The following NDUFAF1 variants were observed in gnomAD, a reference collection of about 807,000 sequenced individuals.
The protein encoded by NDUFAF1 is complex I intermediate-associated protein 30, mitochondrial.
Under a neutral mutation model 28.7 loss-of-function variants are expected in NDUFAF1, and 18 were observed. The ratio of observed to expected loss-of-function variants is 0.63; its 90% CI spans 0.43 to 0.93. NDUFAF1 has a LOEUF of 0.93. NDUFAF1 is among the 40% of genes least tolerant of loss of function. The pLI, the probability that NDUFAF1 is intolerant of heterozygous loss-of-function variation, is 0.00. For missense variants in NDUFAF1, 404 were observed against 398.3 expected (o/e 1.01, Z -0.12); for synonymous variants, 113 against 139.7 (o/e 0.81, Z 1.35).
chr15:41,401,806 C>T (rs2050467137), intron 1 of NDUFAF1, among the ~76,000 whole-genome samples: 1 of 152,078 alleles, frequency 6.6e-6, no homozygotes, highest in South Asian at 2.1e-4. Context: ...GTTAAGGGAA[C>T]CAGGAAAAAT....
rs917680993 is a variant in NDUFAF1, at chr15:41,389,957, GA to G, written c.760-1436del. Reference sequence around the variant, plus strand: ...ATGTACATAATGAAGAACAAGTTAAGAAAAAAAAATTTTTTTTTTTGAGACA... The same window carrying G: ...ATGTACATAATGAAGAACAAGTTAAGAAAAAAAATTTTTTTTTTTGAGACA... On this transcript the variant is annotated intron_variant, in intron 3 of 4. Coordinates refer to ENST00000260361, the MANE Select transcript of NDUFAF1 (RefSeq NM_016013.4). Among the ~76,000 whole-genome samples the G allele has an allele frequency of 5.3e-5, 8 of 151,240 alleles. No homozygotes were observed. In the South Asian group the frequency reaches 1.0e-3, roughly 20 times the overall value.
chr15:41,399,580 C>A (rs1165151504), intron 1 of NDUFAF1, among the ~76,000 whole-genome samples: 3 of 150,584 alleles, frequency 2.0e-5, no homozygotes, highest in Non-Finnish European at 4.4e-5. Context: ...ACAGGCCGGG[C>A]GCGGTGGCTC....
Position 41,402,448 on chromosome 15 carries a change from T to C in NDUFAF1, c.-386A>G, listed in dbSNP as rs111326645. ...AACCGCCGGCCTGCCGCCGCTTACC[T>C]CCCCGAGCCTATAGTGTACCTTCCG... On this transcript the variant is annotated 5_prime_UTR_variant, in exon 1 of 5. Coordinates refer to ENST00000260361, the MANE Select transcript of NDUFAF1 (RefSeq NM_016013.4). The C allele has an allele frequency of 1.2e-5, 5 of 422,984 alleles. No homozygotes were observed. The highest frequency in any genetic ancestry group is 7.7e-4 in the Middle Eastern group (1 of 1,292). 26.2% of individuals were successfully genotyped at this position (422,984 alleles called of 1,614,324 possible). A position where few individuals can be genotyped will look rare whatever the true frequency, so the allele number is the denominator to read the frequency against.
At position 41,396,611 on chromosome 15, in the gene NDUFAF1, A is replaced by T; in HGVS notation, c.449T>A (p.Val150Glu). Reference sequence around the variant, plus strand: ...GTTATTCTTGCCCATTTTCAAAAACACTTCACTTCTGCCTCCAATCGTCTT... The same window carrying T: ...GTTATTCTTGCCCATTTTCAAAAACTCTTCACTTCTGCCTCCAATCGTCTT... ...SDKTIGGRSE[V>E]FLKMGKNNQS... Residue 150 changes from valine (V) to glutamate (E), a missense_variant, in exon 2 of 5, where the codon GTG (valine) becomes GAG (glutamate). By Grantham distance (121) the Val-to-Glu change is moderately radical (BLOSUM62 -2). Transcript: ENST00000260361. 6.2e-7 allele frequency: 1 copy of T among 1,614,010 alleles called. No individual in the cohort carries two copies. Among genetic ancestry groups the T allele is most frequent in the East Asian group, 2.2e-5 (1 of 44,864 alleles).
chr15:41,392,475 G>A (rs963913843), intron 3 of NDUFAF1, among the ~76,000 whole-genome samples: 3 of 152,150 alleles, frequency 2.0e-5, no homozygotes, highest in Admixed American at 6.6e-5. Context: ...TAATCCCCAT[G>A]TGTCAAGGGA....
intron 4 of NDUFAF1, 60 bp from the exon 5 acceptor site, chr15:41,387,653 CAGG>C (rs1161282236): frequency 1.7e-4 from 247 of 1,437,184 alleles, no homozygotes; most frequent in Non-Finnish European, 2.8e-5. Context: ...GAGATTATTC[CAGG>C]AGTTTAAAAT....
intron 3 of NDUFAF1, among the ~76,000 whole-genome samples, chr15:41,390,642 G>A (rs1391376872): frequency 6.6e-6 from 1 of 151,446 alleles, no homozygotes; most frequent in African/African-American, 2.4e-5. Context: ...GGAGAATGGC[G>A]TGAACCCGGG....
At position 41,394,839 on chromosome 15, in the gene NDUFAF1, A is replaced by G; in HGVS notation, c.759+20T>C. 8 of 1,613,378 alleles carry G rather than the reference A, an allele frequency of 5.0e-6. No homozygotes were observed. The highest frequency in any genetic ancestry group is 1.1e-5 in the South Asian group (1 of 91,062). The stretch of plus-strand genomic sequence containing the variant: ...AGCCAAGACCTCATTTTTATAAACA[A>G]TGAAGATTTATGCTGTTACCTTGAC... On this transcript the variant is annotated intron_variant, in intron 3 of 4. Coordinates refer to ENST00000260361, the MANE Select transcript of NDUFAF1 (RefSeq NM_016013.4).
At chr15:41,396,375 T>TAA in intron 2 of NDUFAF1, 112 bp downstream of exon 2, 1 of 1,058,350 alleles carries the variant, frequency 9.4e-7, no homozygotes, top group Non-Finnish European at 1.4e-6. Flanking sequence ...GTGCCAAATA[T>TAA]AACATGCCAG....
intron 1 of NDUFAF1, among the ~76,000 whole-genome samples, chr15:41,399,291 G>A (rs565584528): frequency 3.7e-4 from 56 of 152,158 alleles, no homozygotes; most frequent in Admixed American, 7.9e-4. Flanking sequence ...AGCTACTTGG[G>A]AGGCCTAGGC....
At chr15:41,400,369 C>CA (rs1179539276) in intron 1 of NDUFAF1, among the ~76,000 whole-genome samples, 989 of 91,758 alleles carry the variant, frequency 0.011, 13 homozygotes, top group Middle Eastern at 0.037. Flanking sequence ...AATTCCATCT[C>CA]AAAAAAAAAA....
intron 2 of NDUFAF1, 111 bp from the exon 3 acceptor site, chr15:41,395,155 TTC>T: frequency 2.1e-6 from 2 of 953,090 alleles, no homozygotes; most frequent in South Asian, 2.8e-5. Flanking sequence ...TTTTCTGACT[TTC>T]TGCCCCATAA....
At chr15:41,400,390 A>G (rs2050446124) in intron 1 of NDUFAF1, among the ~76,000 whole-genome samples, 1 of 145,710 alleles carries the variant, frequency 6.9e-6, no homozygotes, top group South Asian at 2.2e-4. Flanking sequence ...AAAAAAAAAT[A>G]GAGATGAGGT....
chr15:41,394,544 T>C (rs2050357499), intron 3 of NDUFAF1, among the ~76,000 whole-genome samples: 1 of 151,444 alleles, frequency 6.6e-6, no homozygotes, highest in African/African-American at 2.4e-5. Context: ...TAACCTTTCT[T>C]CTACCCACCC....
intron 3 of NDUFAF1, among the ~76,000 whole-genome samples, chr15:41,392,617 C>T (rs535654383): frequency 2.0e-5 from 3 of 152,240 alleles, no homozygotes; most frequent in Non-Finnish European, 4.4e-5. Context: ...CTCTTTCCTG[C>T]CACCATGTGA....
chr15:41,390,809 G>C (rs2050307625), intron 3 of NDUFAF1, among the ~76,000 whole-genome samples: 1 of 152,086 alleles, frequency 6.6e-6, no homozygotes, highest in Admixed American at 6.6e-5. Flanking sequence ...GAGGTGGGCG[G>C]ATCATGAGGC....
intron 3 of NDUFAF1, chr15:41,394,299 G>A: frequency 8.1e-7 from 1 of 1,230,382 alleles, no homozygotes; most frequent in African/African-American, 1.5e-5. Context: ...CTCCCAAAGT[G>A]CTGGGATTAC....
rs1373702602 is a variant in NDUFAF1 at position 41,388,478 on chromosome 15, C to A, written c.804G>T (p.Arg268=). The A allele has an allele frequency of 2.5e-6, 4 of 1,613,022 alleles. No individual in the cohort carries two copies. Among genetic ancestry groups the A allele is most frequent in the Non-Finnish European group, 3.4e-6 (4 of 1,179,190 alleles). The change falls in exon 4 of 5, where the codon CGG becomes CGT. Residue 268 remains arginine, a synonymous_variant. Coordinates refer to ENST00000260361, the MANE Select transcript of NDUFAF1 (RefSeq NM_016013.4). ...KFFFSNRGRI[R]DVQHELPLDK... Reference sequence around the variant, plus strand: ...CAAGCGGAAGCTCATGCTGAACATCCCGGATTCTTCCTCGATTAGAGAAGA... The same window carrying A: ...CAAGCGGAAGCTCATGCTGAACATCACGGATTCTTCCTCGATTAGAGAAGA...
In NDUFAF1 at chr15:41,399,075, G is replaced by A. The variant is rs550919602; in HGVS notation, c.-81-1935C>T. ...GTCGTCAGGAGTTGGAGACCAGCCT[G>A]CCCAACATGGTAAAACCCCGTCTCC... On this transcript the variant is annotated intron_variant, in intron 1 of 4. Coordinates refer to ENST00000260361, the MANE Select transcript of NDUFAF1 (RefSeq NM_016013.4). Among the ~76,000 whole-genome samples, 3 of 152,240 alleles carry A rather than the reference G, an allele frequency of 2.0e-5. No homozygotes were observed. The East Asian group carries it at 5.8e-4, about 29-fold the overall frequency.
Sources: allele counts gnomAD v4.1 joint callset (sites outside exome capture counted in the v4.1 genomes callset), GRCh38; gene constraint gnomAD v4.1.1; transcripts MANE v1.5; gene names NCBI Gene and HGNC (gene_info 2026-07-23, HGNC 2026-07-21).